SLC35E1: variants seen among roughly 807,000 people sequenced by gnomAD.
SLC35E1 encodes the protein solute carrier family 35, member E1.
In SLC35E1, 12 loss-of-function variants were observed where a neutral mutation model predicts 31.0. That is an observed-to-expected ratio of 0.39 (90% CI 0.25 to 0.63). The LOEUF (loss-of-function observed/expected upper bound fraction) is 0.63. Ranked by LOEUF, SLC35E1 falls within the 20% of genes least tolerant of loss-of-function variation. SLC35E1 has a pLI of 0.52. For missense variants in SLC35E1, 429 were observed against 572.2 expected, an observed-to-expected ratio of 0.75 and a Z score of 2.55; for synonymous variants, 257 against 264.1, an observed-to-expected ratio of 0.97 and a Z score of 0.26.
rs1474627753 is a variant in SLC35E1, at chr19:16,551,860, T to C, written c.*1819A>G. ...ACCTCCACCTCCTGGGCTCAAGTGA[T>C]TCTCCTGCCTCAGCCTCCCAAGTAG... On this transcript the variant is annotated 3_prime_UTR_variant, in exon 6 of 6. Coordinates refer to ENST00000595753, the MANE Select transcript of SLC35E1 (RefSeq NM_024881.5). The C allele has an allele frequency of 1.3e-5, 2 of 151,836 alleles. No individual in the cohort carries two copies. Among genetic ancestry groups the C allele is most frequent in the Non-Finnish European group, 2.9e-5 (2 of 68,012 alleles). The allele number at this position is 151,836 out of a possible 1,614,324, so 9.4% of individuals were successfully genotyped here.
intron 4 of SLC35E1, among the ~76,000 whole-genome samples, chr19:16,558,864 C>T (rs968928515): frequency 1.3e-5 from 2 of 150,696 alleles, no homozygotes; most frequent in Non-Finnish European, 3.0e-5. Flanking sequence ...CCGCCTCCCA[C>T]GTTCAAGCAG....
chr19:16,561,038 T>C (rs1599318611), intron 4 of SLC35E1, among the ~76,000 whole-genome samples: 1 of 132,348 alleles, frequency 7.6e-6, no homozygotes, highest in Admixed American at 7.7e-5. Flanking sequence ...CCATCTCTAC[T>C]AAAAAAAAAA....
Position 16,555,173 on chromosome 19 carries a change from C to T in SLC35E1, c.981G>A (p.Leu327=), listed in dbSNP as rs1276670951. Residue 327 remains leucine (L), a synonymous_variant, in exon 5 of 6, where the codon CTG becomes CTA. Coordinates refer to ENST00000595753, the MANE Select transcript of SLC35E1 (RefSeq NM_024881.5). The surrounding 1 kb of genome is among the most constrained non-coding windows in gnomAD (Gnocchi z 4.1). ...TNVLGMMTAI[L]GVFLYNKTKY... ...TCACCTTGTTATAGAGGAAGACCCCCAGGATGGCGGTCATCATGCCCAGGA... is the reference window on the plus strand; with the variant it reads ...TCACCTTGTTATAGAGGAAGACCCCTAGGATGGCGGTCATCATGCCCAGGA... The T allele has an allele frequency of 6.2e-7, 1 of 1,614,162 alleles. No homozygotes were observed. The highest frequency in any genetic ancestry group is 1.1e-5 in the South Asian group (1 of 91,078).
In SLC35E1 at chr19:16,572,411, C is replaced by T. The variant is rs1366307548; in HGVS notation, c.-47G>A. 7.2e-6 allele frequency: 7 copies of T among 973,866 alleles called. No individual in the cohort carries two copies. The highest frequency in any genetic ancestry group is 1.8e-5 in the African/African-American group (1 of 56,448). 60.3% of individuals were successfully genotyped at this position (973,866 alleles called of 1,614,324 possible). A position where few individuals can be genotyped will look rare whatever the true frequency, so the allele number is the denominator to read the frequency against. On this transcript the variant is annotated 5_prime_UTR_variant, in exon 1 of 6. Transcript: ENST00000595753. This position sits in a 1 kb window ranked among gnomAD's most constrained non-coding sequence, Gnocchi z 4.1. ...TCCAGCCCGTCCGACGGCCCGACGC[C>T]GGGCGGGGGCGGGGCTGGGCGGGGG...
At chr19:16,558,769 G>GTTT (rs560656652) in intron 4 of SLC35E1, among the ~76,000 whole-genome samples, 5 of 130,958 alleles carry the variant, frequency 3.8e-5, no homozygotes, top group South Asian at 2.5e-4. Flanking sequence ...CATCCCTTGA[G>GTTT]TTTTTTTTTT....
chr19:16,562,759 G>T (rs2085913532), intron 4 of SLC35E1, among the ~76,000 whole-genome samples: 1 of 152,140 alleles, frequency 6.6e-6, no homozygotes, highest in African/African-American at 2.4e-5. Flanking sequence ...GCTGGCTGGG[G>T]TGCAGTGGCT....
chr19:16,554,942 C>T (rs2085867968), intron 5 of SLC35E1, among the ~76,000 whole-genome samples: 1 of 152,070 alleles, frequency 6.6e-6, no homozygotes, highest in East Asian at 1.9e-4. Flanking sequence ...CCAGCTGAGA[C>T]ACAGCCGGAA....
intron 4 of SLC35E1, chr19:16,564,022 CTT>C (rs1162840037): frequency 6.6e-6 from 1 of 152,228 alleles, no homozygotes; most frequent in East Asian, 1.9e-4. Context: ...GCTAGGAACT[CTT>C]TGCTGCTGCC....
intron 2 of SLC35E1, among the ~76,000 whole-genome samples, chr19:16,570,626 G>C (rs770304021): frequency 6.6e-6 from 1 of 152,168 alleles, no homozygotes; most frequent in East Asian, 1.9e-4. Flanking sequence ...TGTGCCCAAA[G>C]CATCCTCCTT....
intron 4 of SLC35E1, among the ~76,000 whole-genome samples, chr19:16,560,881 C>CAAAAAAAAAAAAAAAAAAAAAACA (rs1304202019): frequency 1.5e-5 from 1 of 68,058 alleles, no homozygotes; most frequent in Non-Finnish European, 2.9e-5. Context: ...AAAAAAAAAC[C>CAAAAAAAAAAAAAAAAAAAAAACA]AAAAAAAAAA....
At chr19:16,565,226 T>C in intron 4 of SLC35E1, 1 of 416,454 alleles carries the variant, frequency 2.4e-6, no homozygotes, top group Non-Finnish European at 4.7e-6. Context: ...TTTTTTTTTT[T>C]TGAGACGGAG....
chr19:16,569,127 C>T (rs574208615), intron 2 of SLC35E1, among the ~76,000 whole-genome samples: 3 of 152,122 alleles, frequency 2.0e-5, no homozygotes, highest in South Asian at 2.1e-4. Flanking sequence ...CAGGTTCAAC[C>T]GATTCTTCTG....
chr19:16,571,006 G>A lies in SLC35E1; in HGVS notation c.492+506C>T, dbSNP rs762070796. The stretch of plus-strand genomic sequence containing the variant: ...CCAACTACTTGAGAGGCTGAGGCAG[G>A]AGAACTGCTTGAACCTGGGAGGCGG... On this transcript the variant is annotated intron_variant, in intron 2 of 5. Transcript: ENST00000595753. Among the ~76,000 whole-genome samples the A allele has an allele frequency of 4.0e-4, 61 of 151,852 alleles. 2 individuals carry two copies. Among genetic ancestry groups the A allele is most frequent in the African/African-American group, 1.4e-3 (59 of 41,404 alleles).
chr19:16,551,102 C>T lies in SLC35E1; in HGVS notation c.*2577G>A, dbSNP rs2085842979. 1 of 152,110 alleles carries T rather than the reference C, an allele frequency of 6.6e-6. No individual in the cohort carries two copies. Among genetic ancestry groups the T allele is most frequent in the African/African-American group, 2.4e-5 (1 of 41,408 alleles). The allele number at this position is 152,110 out of a possible 1,614,324, so 9.4% of individuals were successfully genotyped here. A position where few individuals can be genotyped will look rare whatever the true frequency, so the allele number is the denominator to read the frequency against. On this transcript the variant is annotated 3_prime_UTR_variant, in exon 6 of 6. Transcript: ENST00000595753. ...AATATCTCCGCAGTGCAAAATTATC[C>T]CTGTTTCTTGTCATTCACCAGTGAG...
chr19:16,566,551 A>G lies in SLC35E1; in HGVS notation c.737T>C (p.Phe246Ser), dbSNP rs1407253136. 6.2e-7 allele frequency: 1 copy of G among 1,612,624 alleles called. No homozygotes were observed. Among genetic ancestry groups the G allele is most frequent in the African/African-American group, 1.3e-5 (1 of 74,890 alleles). ...PTWVLVDLSA[F>S]LVSSDLTYVY... ...ACTCACCAAGTCGCTGCTGACCAGG[A>G]AAGCCGAGAGGTCCACCAGAACCCA... The change falls in exon 4 of 6, where the codon TTC becomes TCC. Residue 246 changes from phenylalanine to serine, a missense_variant. By Grantham distance (155) the Phe-to-Ser change is radical. Transcript: ENST00000595753.
intron 4 of SLC35E1, among the ~76,000 whole-genome samples, chr19:16,561,576 C>CCG (rs2085906675): frequency 6.6e-6 from 1 of 152,204 alleles, no homozygotes; most frequent in South Asian, 2.1e-4. Context: ...CTAGGAATCC[C>CCG]CGCCTGTCTT....
intron 5 of SLC35E1, among the ~76,000 whole-genome samples, chr19:16,554,480 A>C (rs1325194001): frequency 6.6e-6 from 1 of 151,810 alleles, no homozygotes; most frequent in Non-Finnish European, 1.5e-5. Flanking sequence ...GGAGTTGGAG[A>C]CCAGACTGGA....
At chr19:16,566,689 TA>T in intron 3 of SLC35E1, 32 bp from the exon 4 acceptor site, 1 of 1,599,782 alleles carries the variant, frequency 6.3e-7, no homozygotes, top group African/African-American at 1.3e-5. Flanking sequence ...AGAGGGTGAT[TA>T]AAACTATATG....
chr19:16,563,912 A>C (rs2085919378), intron 4 of SLC35E1, among the ~76,000 whole-genome samples: 1 of 152,254 alleles, frequency 6.6e-6, no homozygotes, highest in Non-Finnish European at 1.5e-5. Context: ...ATAAGCAACT[A>C]AGAAACGAGG....
Sources: gnomAD v4.1 joint callset for allele counts (sites outside exome capture counted in the v4.1 genomes callset) on GRCh38, gnomAD v4.1.1 for gene constraint, Gnocchi (gnomAD v3.1) non-coding constraint, MANE v1.5 for transcripts, NCBI Gene and HGNC (gene_info 2026-07-23, HGNC 2026-07-21) for gene names.